WNT2B: variants seen among roughly 807,000 people sequenced by gnomAD.
WNT2B encodes the protein protein Wnt-2b.
WNT2B carries 19 observed loss-of-function variants against 40.5 expected under a neutral mutation model. The ratio of observed to expected loss-of-function variants is 0.47; its 90% CI spans 0.33 to 0.69. The LOEUF is 0.69. WNT2B is among the 30% of genes least tolerant of loss of function. WNT2B has a pLI of 0.02. For synonymous variants in WNT2B, 220 were observed against 211.9 expected (o/e 1.04, Z -0.33); for missense variants, 467 against 556.4 (o/e 0.84, Z 1.62).
At chr1:112,510,237 T>C (rs1652301448) in intron 1 of WNT2B, among the ~76,000 whole-genome samples, 1 of 152,086 alleles carries the variant, frequency 6.6e-6, no homozygotes, top group South Asian at 2.1e-4. Context: ...ACTGGATGTC[T>C]CGTGTCTGTT....
At position 112,522,521 on chromosome 1, in the gene WNT2B, A is replaced by C. The variant is rs2101107964; in HGVS notation, c.*2012A>C. On this transcript the variant is annotated 3_prime_UTR_variant, in exon 5 of 5. Coordinates refer to ENST00000369684, the MANE Select transcript of WNT2B (RefSeq NM_024494.3). ...TGGATACAGGCCCCTGTCTTTCCAA[A>C]GTTCCTCTCCAATATCCCTTGGGGT... 1 of 152,376 alleles carries C rather than the reference A, an allele frequency of 6.6e-6. No individual in the cohort carries two copies. The highest frequency in any genetic ancestry group is 2.4e-5 in the African/African-American group (1 of 41,596). 9.4% of individuals were successfully genotyped at this position (152,376 alleles called of 1,614,324 possible). A position where few individuals can be genotyped will look rare whatever the true frequency, so the allele number is the denominator to read the frequency against.
intron 1 of WNT2B, among the ~76,000 whole-genome samples, chr1:112,484,534 C>T (rs969456813): frequency 1.3e-5 from 2 of 151,356 alleles, no homozygotes; most frequent in African/African-American, 4.9e-5. Context: ...ACCTGGGCCT[C>T]CCAAAGTGCT....
At chr1:112,517,002 A>G (rs555864245) in intron 3 of WNT2B, 119 bp from the exon 4 acceptor site, 53 of 1,382,646 alleles carry the variant, frequency 3.8e-5, no homozygotes, top group Non-Finnish European at 4.8e-5. Flanking sequence ...CGAGAGCTCA[A>G]TCGGCCAGCC....
In WNT2B at chr1:112,529,588, A is replaced by G. The variant is rs1654024801; in HGVS notation, c.*9079A>G. 1 of 152,178 alleles carries G rather than the reference A, an allele frequency of 6.6e-6. No homozygotes were observed. The highest frequency in any genetic ancestry group is 1.5e-5 in the Non-Finnish European group (1 of 68,024). 9.4% of individuals were successfully genotyped at this position (152,178 alleles called of 1,614,324 possible). ...TATTTTTCATCTGTTCTCCCAGAGAAGCTATTATAAGATAGGCATAGAGAC... is the reference window on the plus strand; with the variant it reads ...TATTTTTCATCTGTTCTCCCAGAGAGGCTATTATAAGATAGGCATAGAGAC... On this transcript the variant is annotated 3_prime_UTR_variant, in exon 5 of 5. Coordinates refer to ENST00000369684, the MANE Select transcript of WNT2B (RefSeq NM_024494.3).
At chr1:112,491,706 A>T (rs892426719) in intron 1 of WNT2B, among the ~76,000 whole-genome samples, 1 of 152,072 alleles carries the variant, frequency 6.6e-6, no homozygotes, top group Non-Finnish European at 1.5e-5. Context: ...TTCAACATAG[A>T]CCACATCTCT....
intron 1 of WNT2B, among the ~76,000 whole-genome samples, chr1:112,470,504 C>A (rs1209667920): frequency 6.6e-6 from 1 of 152,148 alleles, no homozygotes; most frequent in Non-Finnish European, 1.5e-5. Context: ...TGTGAGATCA[C>A]TTGAGCCCAG....
At chr1:112,512,337 C>T (rs1652383360) in intron 1 of WNT2B, among the ~76,000 whole-genome samples, 2 of 152,212 alleles carry the variant, frequency 1.3e-5, no homozygotes, top group South Asian at 4.1e-4. Context: ...ACAAAAATCC[C>T]TGCCTTTGTG....
At position 112,522,702 on chromosome 1, in the gene WNT2B, T is replaced by C. The variant is rs988974202; in HGVS notation, c.*2193T>C. Reference sequence around the variant, plus strand: ...GGGAGAGTTTAGGGTGGTTTTTCTTTTGGTGAGGGGATTTGCTCTGGTTTC... The same window carrying C: ...GGGAGAGTTTAGGGTGGTTTTTCTTCTGGTGAGGGGATTTGCTCTGGTTTC... On this transcript the variant is annotated 3_prime_UTR_variant, in exon 5 of 5. Coordinates refer to ENST00000369684, the MANE Select transcript of WNT2B (RefSeq NM_024494.3). 2.6e-5 allele frequency: 4 copies of C among 152,246 alleles called. No individual in the cohort carries two copies. Among genetic ancestry groups the C allele is most frequent in the African/African-American group, 9.7e-5 (4 of 41,410 alleles). The allele number at this position is 152,246 out of a possible 1,614,324, so 9.4% of individuals were successfully genotyped here.
At position 112,517,208 on chromosome 1, in the gene WNT2B, G is replaced by T. The variant is rs1652596490; in HGVS notation, c.769G>T (p.Asp257Tyr). 1.2e-6 allele frequency: 2 copies of T among 1,614,228 alleles called. No individual in the cohort carries two copies. The highest frequency in any genetic ancestry group is 1.7e-6 in the Non-Finnish European group (2 of 1,180,050). Residue 257 changes from aspartate to tyrosine, a missense_variant, in exon 4 of 5, where the codon GAT becomes TAT. By Grantham distance (160) the Asp-to-Tyr change is radical. This residue lies in a region of WNT2B where 330 missense variants were observed against 438.6 expected (regional missense o/e 0.75). Transcript: ENST00000369684. ...GCGCACCTGCTGGCGTGCACTCTCA[G>T]ATTTCCGCCGCACAGGTGATTACCT... ...TLRTCWRALS[D>Y]FRRTGDYLRR...
intron 1 of WNT2B, among the ~76,000 whole-genome samples, chr1:112,473,291 A>G (rs569580672): frequency 6.6e-6 from 1 of 152,146 alleles, no homozygotes; most frequent in Admixed American, 6.5e-5. Context: ...AAATAACACA[A>G]TGACAGAAAT....
chr1:112,519,872 C>CTTTTTTTTTTTT (rs71081244), intron 4 of WNT2B, among the ~76,000 whole-genome samples: 2 of 115,650 alleles, frequency 1.7e-5, no homozygotes, highest in Non-Finnish European at 1.8e-5. Context: ...GCCCATGCTT[C>CTTTTTTTTTTTT]TTTTTTTTTT....
chr1:112,522,813 G>A lies in WNT2B; in HGVS notation c.*2304G>A, dbSNP rs1040851701. ...CCTGTGGAGAAATGGGCCTGAGTGA[G>A]TCAGGCCAAGAGAATGTCTTCCTTC... is the stretch of plus-strand genomic sequence containing the variant. On this transcript the variant is annotated 3_prime_UTR_variant, in exon 5 of 5. Transcript: ENST00000369684. The A allele has an allele frequency of 6.6e-6, 1 of 152,326 alleles. No homozygotes were observed. The highest frequency in any genetic ancestry group is 2.1e-4 in the South Asian group (1 of 4,806). The allele number at this position is 152,326 out of a possible 1,614,324, so 9.4% of individuals were successfully genotyped here.
At chr1:112,508,725 A>T, upstream of WNT2B, 2 of 985,938 alleles carry the variant, frequency 2.0e-6, no homozygotes, top group Non-Finnish European at 2.4e-6. This position sits in a 1 kb window ranked among gnomAD's most constrained non-coding sequence, Gnocchi z 4.2. Flanking sequence ...GTCGGCAGGG[A>T]CTGGGCGCTT....
chr1:112,491,045 T>C, intron 1 of WNT2B: 1 of 1,614,146 alleles, frequency 6.2e-7, no homozygotes, highest in Non-Finnish European at 8.5e-7. Flanking sequence ...GTACCTGGCA[T>C]ACCTACACAG....
chr1:112,519,973 G>A (rs768196301), intron 4 of WNT2B, among the ~76,000 whole-genome samples: 24 of 148,526 alleles, frequency 1.6e-4, no homozygotes, highest in Non-Finnish European at 3.6e-4. Context: ...TCCCAGCCTC[G>A]TGTTACTTTC....
Position 112,509,379 on chromosome 1 carries a change from A to G in WNT2B, c.117A>G (p.Leu39=), listed in dbSNP as rs1652260171. The change falls in exon 1 of 5, where the codon CTA becomes CTG. Residue 39 remains leucine, a synonymous_variant. Coordinates refer to ENST00000369684, the MANE Select transcript of WNT2B (RefSeq NM_024494.3). The surrounding 1 kb of genome is among the most constrained non-coding windows in gnomAD (Gnocchi z 4.2). The stretch of plus-strand genomic sequence containing the variant: ...ACGGCTCCCGGGCTTCGGCCCGCCT[A>G]GGTCTTGCCTGCCTTCTGCTCCTGC... ...APDGSRASAR[L]GLACLLLLLL... is the part of the protein sequence containing the mutation. 1.3e-6 allele frequency: 2 copies of G among 1,596,298 alleles called. No individual in the cohort carries two copies. The highest frequency in any genetic ancestry group is 1.7e-6 in the Non-Finnish European group (2 of 1,177,378).
intron 1 of WNT2B, among the ~76,000 whole-genome samples, chr1:112,494,527 C>T (rs1168611718): frequency 1.3e-5 from 2 of 151,376 alleles, no homozygotes; most frequent in Non-Finnish European, 2.9e-5. Flanking sequence ...ACCACCACAC[C>T]TGGCTAATTA....
At chr1:112,510,951 G>A (rs1295027380) in intron 1 of WNT2B, among the ~76,000 whole-genome samples, 1 of 152,168 alleles carries the variant, frequency 6.6e-6, no homozygotes, top group African/African-American at 2.4e-5. Flanking sequence ...TGAAGTAACC[G>A]CTGCCCATCT....
chr1:112,488,170 G>A (rs1434479231), intron 1 of WNT2B, among the ~76,000 whole-genome samples: 1 of 151,858 alleles, frequency 6.6e-6, no homozygotes, highest in Non-Finnish European at 1.5e-5. Flanking sequence ...GGTGGTGCAC[G>A]CCTAGTAATC....
Sources: allele counts gnomAD v4.1 joint callset (sites outside exome capture counted in the v4.1 genomes callset), GRCh38; gene constraint gnomAD v4.1.1; regional missense constraint gnomAD v4.1.1; non-coding constraint Gnocchi (gnomAD v3.1); transcripts MANE v1.5; gene names NCBI Gene and HGNC (gene_info 2026-07-23, HGNC 2026-07-21).